Variants in AJAP1 observed in about 807,000 individuals in gnomAD.
The protein encoded by AJAP1 is adherens junction-associated protein 1.
In AJAP1, 5 loss-of-function variants were observed where a neutral mutation model predicts 35.0. The ratio of observed to expected loss-of-function variants is 0.14; its 90% CI spans 0.07 to 0.30. The LOEUF is 0.30. Among genes scored for constraint, AJAP1 ranks in the 10% least tolerant of loss-of-function variants. The pLI, the probability that AJAP1 is intolerant of heterozygous loss-of-function variation, is 1.00. For missense variants in AJAP1, 586 were observed against 571.0 expected, an observed-to-expected ratio of 1.03 and a Z score of -0.27; for synonymous variants, 284 against 249.3, an observed-to-expected ratio of 1.14 and a Z score of -1.31.
At chr1:4,686,249 G>A (rs566202559) in intron 1 of AJAP1, among the ~76,000 whole-genome samples, 5 of 152,232 alleles carry the variant, frequency 3.3e-5, no homozygotes, top group Non-Finnish European at 4.4e-5. Context: ...AAATTACCAC[G>A]AATTGAGTGG....
rs1000869454 is a variant in AJAP1, at chr1:4,705,620, C to T, written c.30-6280C>T. Reference sequence around the variant, plus strand: ...GGTGCCCTGGGTACCCTGTATGAGGCAGATACTTCCTCTCTGTGGGCATCC... The same window carrying T: ...GGTGCCCTGGGTACCCTGTATGAGGTAGATACTTCCTCTCTGTGGGCATCC... On this transcript the variant is annotated intron_variant, in intron 1 of 5. Transcript: ENST00000378191. 2.0e-5 allele frequency among the ~76,000 whole-genome samples: 3 copies of T among 151,564 alleles called. No homozygotes were observed. The East Asian group carries it at 5.9e-4, about 30-fold the overall frequency.
intron 1 of AJAP1, among the ~76,000 whole-genome samples, chr1:4,681,290 C>T (rs145137308): frequency 6.6e-6 from 1 of 152,348 alleles, no homozygotes; most frequent in Non-Finnish European, 1.5e-5. Context: ...AAAATTGCCA[C>T]AGACTGCAAG....
At chr1:4,691,010 C>T (rs890161581) in intron 1 of AJAP1, among the ~76,000 whole-genome samples, 7 of 152,194 alleles carry the variant, frequency 4.6e-5, no homozygotes, top group Admixed American at 4.6e-4. Context: ...AAGCCTGAAG[C>T]CAGGGGTGCC....
At position 4,654,779 on chromosome 1, in the gene AJAP1, C is replaced by A. The variant is rs1300700842; in HGVS notation, c.-647C>A. ...CCTCGCCCCGCGCGCCTCTCGTGCC[C>A]GCCTCCTGCCAGTCTCCGGGCCGCG... On this transcript the variant is annotated 5_prime_UTR_variant, in exon 1 of 6. Transcript: ENST00000378191. The surrounding 1 kb of genome is among the most constrained non-coding windows in gnomAD (Gnocchi z 5.1). 3 of 149,776 alleles carry A rather than the reference C, an allele frequency of 2.0e-5. No individual in the cohort carries two copies. The highest frequency in any genetic ancestry group is 6.6e-5 in the Admixed American group (1 of 15,072). The allele number at this position is 149,776 out of a possible 1,614,324, so 9.3% of individuals were successfully genotyped here.
intron 5 of AJAP1, chr1:4,777,766 A>G (rs1641969228): frequency 6.6e-6 from 1 of 152,224 alleles, no homozygotes; most frequent in South Asian, 2.1e-4. Context: ...TCAAAAACAC[A>G]TTGATCACTA....
At chr1:4,676,188 T>C (rs969635201) in intron 1 of AJAP1, among the ~76,000 whole-genome samples, 1 of 152,178 alleles carries the variant, frequency 6.6e-6, no homozygotes, top group African/African-American at 2.4e-5. Flanking sequence ...CCTCCTCGTG[T>C]CATTTTTGGG....
At chr1:4,717,323 T>C (rs1333791203) in intron 2 of AJAP1, among the ~76,000 whole-genome samples, 2 of 152,198 alleles carry the variant, frequency 1.3e-5, no homozygotes, top group Non-Finnish European at 2.9e-5. Context: ...CCGTGCATGC[T>C]GGCATCTGGC....
intron 2 of AJAP1, among the ~76,000 whole-genome samples, chr1:4,752,193 G>C (rs1012073140): frequency 1.3e-5 from 2 of 151,330 alleles, no homozygotes; most frequent in African/African-American, 2.4e-5. Flanking sequence ...GGAGAGAGAG[G>C]AGGAGGGAGA....
At position 4,787,933 on chromosome 1, in the gene AJAP1, G is replaced by T. The variant is rs1391693027; in HGVS notation, c.*5448G>T. 9.0e-6 allele frequency: 3 copies of T among 331,634 alleles called. No homozygotes were observed. Among genetic ancestry groups the T allele is most frequent in the South Asian group, 6.8e-5 (3 of 44,340 alleles). The allele number at this position is 331,634 out of a possible 1,614,324, so 20.5% of individuals were successfully genotyped here. A position where few individuals can be genotyped will look rare whatever the true frequency, so the allele number is the denominator to read the frequency against. On this transcript the variant is annotated 3_prime_UTR_variant, in exon 6 of 6. Transcript: ENST00000378191. The stretch of plus-strand genomic sequence containing the variant: ...AAGCAGCTATTCCAAAACATGCCGT[G>T]ATTCATGTAATTTTTGAGTGGTTAC...
At chr1:4,764,485 G>A (rs1641638602) in intron 2 of AJAP1, among the ~76,000 whole-genome samples, 2 of 152,162 alleles carry the variant, frequency 1.3e-5, no homozygotes, top group Admixed American at 6.5e-5. Flanking sequence ...TCAGGCCAAC[G>A]TGTTCCCAGA....
At chr1:4,749,103 G>T (rs1044147812) in intron 2 of AJAP1, among the ~76,000 whole-genome samples, 2 of 152,186 alleles carry the variant, frequency 1.3e-5, no homozygotes, top group South Asian at 4.1e-4. Context: ...AGTTCGCAGT[G>T]CCCAGCTCGT....
chr1:4,711,470 G>A (rs1360820925), intron 1 of AJAP1, among the ~76,000 whole-genome samples: 3 of 152,320 alleles, frequency 2.0e-5, no homozygotes, highest in African/African-American at 7.2e-5. Context: ...GCCGGTGTCC[G>A]CTGCTGCCAT....
intron 1 of AJAP1, among the ~76,000 whole-genome samples, chr1:4,694,012 G>A (rs1183973811): frequency 6.6e-6 from 1 of 152,232 alleles, no homozygotes. Flanking sequence ...CAAGGCAGGT[G>A]GGGTAGGGTG....
At chr1:4,746,820 T>A (rs1357229968) in intron 2 of AJAP1, among the ~76,000 whole-genome samples, 2 of 152,186 alleles carry the variant, frequency 1.3e-5, no homozygotes, top group Non-Finnish European at 2.9e-5. Flanking sequence ...CTCCCCAGCC[T>A]GGGAAATTGC....
intron 2 of AJAP1, among the ~76,000 whole-genome samples, chr1:4,719,068 A>G (rs1640459815): frequency 6.6e-6 from 1 of 152,194 alleles, no homozygotes; most frequent in African/African-American, 2.4e-5. Flanking sequence ...TCTGTTTGAT[A>G]TATAGTGGGT....
intron 4 of AJAP1, among the ~76,000 whole-genome samples, chr1:4,772,780 G>A (rs866170805): frequency 2.9e-4 from 44 of 152,172 alleles, no homozygotes; most frequent in Non-Finnish European, 3.4e-4. Context: ...GGGCAGTGGC[G>A]GGAAATGCAT....
intron 2 of AJAP1, among the ~76,000 whole-genome samples, chr1:4,740,785 CAAAA>C (rs34897087): frequency 1.5e-5 from 1 of 66,960 alleles, no homozygotes; most frequent in African/African-American, 5.4e-5. Flanking sequence ...GACTCCGTCT[CAAAA>C]AAAAAAAAAA....
intron 2 of AJAP1, among the ~76,000 whole-genome samples, chr1:4,736,542 T>C (rs1640928096): frequency 6.6e-6 from 1 of 152,242 alleles, no homozygotes; most frequent in African/African-American, 2.4e-5. Context: ...TTCCTGGTTG[T>C]ATTTATATGT....
chr1:4,660,962 G>A (rs1427688967), intron 1 of AJAP1, among the ~76,000 whole-genome samples: 1 of 152,164 alleles, frequency 6.6e-6, no homozygotes, highest in African/African-American at 2.4e-5. Context: ...TTCTACCCTG[G>A]CTTATAGGCT....
Sources: allele counts gnomAD v4.1 joint callset (sites outside exome capture counted in the v4.1 genomes callset), GRCh38; gene constraint gnomAD v4.1.1; non-coding constraint Gnocchi (gnomAD v3.1); transcripts MANE v1.5; gene names NCBI Gene and HGNC (gene_info 2026-07-23, HGNC 2026-07-21).